Variants in ST6GALNAC3 observed in about 807,000 individuals in gnomAD.
The protein encoded by ST6GALNAC3 is alpha-N-acetylgalactosaminide alpha-2,6-sialyltransferase 3.
In ST6GALNAC3, 25 loss-of-function variants were observed where a neutral mutation model predicts 32.7. The observed-to-expected ratio is 0.76, with a 90% confidence interval of 0.56 to 1.07. ST6GALNAC3 has a LOEUF of 1.07. Ranked by LOEUF, ST6GALNAC3 falls within the 50% of genes least tolerant of loss-of-function variation. The pLI, the probability that ST6GALNAC3 is intolerant of heterozygous loss-of-function variation, is 0.00. For missense variants in ST6GALNAC3, 355 were observed against 382.4 expected (o/e 0.93, Z 0.60); for synonymous variants, 129 against 133.1 (o/e 0.97, Z 0.21).
rs555910805 is a variant in ST6GALNAC3 at position 76,368,992 on chromosome 1, C to T, written c.214-43016C>T. 2.0e-5 allele frequency among the ~76,000 whole-genome samples: 3 copies of T among 152,296 alleles called. No homozygotes were observed. In the South Asian group the frequency reaches 6.2e-4, roughly 32 times the overall value. Reference sequence around the variant, plus strand: ...GTGTCTTCCACTCTTTTTAGAAGTACTGCCAGCACAATGCTGTCTATGCTC... The same window carrying T: ...GTGTCTTCCACTCTTTTTAGAAGTATTGCCAGCACAATGCTGTCTATGCTC... On this transcript the variant is annotated intron_variant, in intron 2 of 4. Coordinates refer to ENST00000328299, the MANE Select transcript of ST6GALNAC3 (RefSeq NM_152996.4).
At chr1:76,525,807 A>ACG (rs1234152285) in intron 3 of ST6GALNAC3, among the ~76,000 whole-genome samples, 2 of 128,418 alleles carry the variant, frequency 1.6e-5, no homozygotes, top group African/African-American at 2.7e-5. Context: ...ATATATATAT[A>ACG]TATATATATA....
intron 3 of ST6GALNAC3, among the ~76,000 whole-genome samples, chr1:76,524,911 G>A (rs1662769496): frequency 2.0e-5 from 3 of 151,582 alleles, no homozygotes; most frequent in Non-Finnish European, 2.9e-5. Context: ...ATATATTTTG[G>A]TTATCTCCTA....
rs559551366 is a variant in ST6GALNAC3 at position 76,502,048 on chromosome 1, T to C, written c.623+89631T>C. Among the ~76,000 whole-genome samples the C allele has an allele frequency of 5.9e-5, 9 of 152,286 alleles. No homozygotes were observed. In the South Asian group the frequency reaches 1.9e-3, roughly 32 times the overall value. On this transcript the variant is annotated intron_variant, in intron 3 of 4. Transcript: ENST00000328299. Reference sequence around the variant, plus strand: ...TGAGACAAAGGGCAACACAGGCCAGTGTTGCTCCTCCTGTGCGCCTCTTAT... The same window carrying C: ...TGAGACAAAGGGCAACACAGGCCAGCGTTGCTCCTCCTGTGCGCCTCTTAT...
intron 3 of ST6GALNAC3, among the ~76,000 whole-genome samples, chr1:76,562,536 T>C (rs1232865690): frequency 6.6e-6 from 1 of 152,170 alleles, no homozygotes; most frequent in Non-Finnish European, 1.5e-5. Flanking sequence ...CGCTACTGTC[T>C]CTGATGGGTA....
At chr1:76,511,616 G>C (rs1661868210) in intron 3 of ST6GALNAC3, among the ~76,000 whole-genome samples, 1 of 152,100 alleles carries the variant, frequency 6.6e-6, no homozygotes, top group Non-Finnish European at 1.5e-5. Flanking sequence ...TGCAGTACCT[G>C]GCACATAAAA....
chr1:76,432,569 C>T (rs552069744), intron 3 of ST6GALNAC3, among the ~76,000 whole-genome samples: 12 of 148,970 alleles, frequency 8.1e-5, no homozygotes, highest in South Asian at 2.1e-4. Context: ...ATCCTCCCTC[C>T]GTAGCCATCC....
chr1:76,530,641 T>C (rs61773277), intron 3 of ST6GALNAC3, among the ~76,000 whole-genome samples: 10 of 152,212 alleles, frequency 6.6e-5, no homozygotes, highest in Non-Finnish European at 8.8e-5. Context: ...TGTGAGCCAA[T>C]AAATGTTTTC....
chr1:76,344,680 G>T (rs1395947833), intron 2 of ST6GALNAC3, among the ~76,000 whole-genome samples: 1 of 152,168 alleles, frequency 6.6e-6, no homozygotes, highest in Admixed American at 6.5e-5. Context: ...AAACTGCCAG[G>T]TCTGGAAGAA....
At chr1:76,115,585 C>T (rs919102882) in intron 1 of ST6GALNAC3, among the ~76,000 whole-genome samples, 4 of 151,950 alleles carry the variant, frequency 2.6e-5, no homozygotes, top group African/African-American at 9.7e-5. Flanking sequence ...TGGCTAGTAG[C>T]CTGTTTTTAG....
chr1:76,236,149 T>C (rs1279465035), intron 1 of ST6GALNAC3, among the ~76,000 whole-genome samples: 1 of 152,232 alleles, frequency 6.6e-6, no homozygotes, highest in East Asian at 1.9e-4. Context: ...GGTTTCGCCA[T>C]GTTGGCCAGG....
chr1:76,512,998 T>C (rs1291650865), intron 3 of ST6GALNAC3, among the ~76,000 whole-genome samples: 1 of 152,034 alleles, frequency 6.6e-6, no homozygotes, highest in Non-Finnish European at 1.5e-5. Flanking sequence ...GTTTTTTTTC[T>C]TTTGTTTAAG....
intron 3 of ST6GALNAC3, among the ~76,000 whole-genome samples, chr1:76,451,948 TACTATG>T (rs1657435002): frequency 6.6e-6 from 1 of 152,344 alleles, no homozygotes; most frequent in East Asian, 1.9e-4. Context: ...TGACTTCCAG[TACTATG>T]TTGAATAGAA....
At chr1:76,154,196 CAG>C (rs1651238550) in intron 1 of ST6GALNAC3, among the ~76,000 whole-genome samples, 1 of 152,102 alleles carries the variant, frequency 6.6e-6, no homozygotes, top group African/African-American at 2.4e-5. Context: ...GAGGAGAAAA[CAG>C]AGCAGGCACC....
intron 2 of ST6GALNAC3, among the ~76,000 whole-genome samples, chr1:76,377,543 G>A (rs1651335821): frequency 6.6e-6 from 1 of 152,082 alleles, no homozygotes; most frequent in African/African-American, 2.4e-5. Flanking sequence ...AGAACAGCAA[G>A]GGGGAAGTTT....
intron 3 of ST6GALNAC3, among the ~76,000 whole-genome samples, chr1:76,543,625 T>A (rs980693613): frequency 1.3e-4 from 20 of 152,152 alleles, no homozygotes; most frequent in African/African-American, 4.3e-4. Context: ...GTTCCAGAAC[T>A]CCAGAGCTAA....
intron 3 of ST6GALNAC3, among the ~76,000 whole-genome samples, chr1:76,563,469 A>AT (rs573356549): frequency 2.0e-5 from 3 of 152,218 alleles, no homozygotes; most frequent in African/African-American, 7.2e-5. Flanking sequence ...CACCCATACA[A>AT]TTTTTGTCAG....
intron 1 of ST6GALNAC3, among the ~76,000 whole-genome samples, chr1:76,294,605 TCATCTA>T (rs1660286690): frequency 6.6e-6 from 1 of 152,074 alleles, no homozygotes; most frequent in Non-Finnish European, 1.5e-5. Flanking sequence ...ATAGCGGGTT[TCATCTA>T]CAATGCTTTC....
rs114995300 is a variant in ST6GALNAC3, at chr1:76,354,027, C to T, written c.213+40028C>T. Reference sequence around the variant, plus strand: ...GCTCCCTTTCAAACACCACTAATGCCAGGATAGCATCTCCCACCATGACAG... The same window carrying T: ...GCTCCCTTTCAAACACCACTAATGCTAGGATAGCATCTCCCACCATGACAG... On this transcript the variant is annotated intron_variant, in intron 2 of 4. Transcript: ENST00000328299. 2.9e-3 allele frequency: 473 copies of T among 161,480 alleles called. 3 individuals carry two copies. The highest frequency in any genetic ancestry group is 0.01 in the African/African-American group (434 of 41,966). 10.0% of individuals were successfully genotyped at this position (161,480 alleles called of 1,614,324 possible). A position where few individuals can be genotyped will look rare whatever the true frequency, so the allele number is the denominator to read the frequency against.
intron 1 of ST6GALNAC3, among the ~76,000 whole-genome samples, chr1:76,092,112 G>T (rs1026737658): frequency 1.3e-5 from 2 of 152,140 alleles, no homozygotes; most frequent in Non-Finnish European, 2.9e-5. Context: ...CTATAGACAG[G>T]CCAGAATGGT....
Sources: allele counts gnomAD v4.1 joint callset (sites outside exome capture counted in the v4.1 genomes callset), GRCh38; gene constraint gnomAD v4.1.1; transcripts MANE v1.5; gene names NCBI Gene and HGNC (gene_info 2026-07-23, HGNC 2026-07-21).